The following OPHN1 variants were observed in gnomAD, a reference collection of about 807,000 sequenced individuals.
OPHN1 encodes the protein oligophrenin 1.
A neutral mutation model predicts 60.7 loss-of-function variants in OPHN1; 11 were observed. The ratio of observed to expected loss-of-function variants is 0.18; its 90% CI spans 0.11 to 0.30. OPHN1 has a LOEUF of 0.30. OPHN1 is among the 10% of genes least tolerant of loss of function. The pLI, the probability that OPHN1 is intolerant of heterozygous loss-of-function variation, is 1.00. For missense variants in OPHN1, 449 were observed against 611.0 expected (o/e 0.73, Z 2.80); for synonymous variants, 226 against 222.6 (o/e 1.02, Z -0.14).
intron 15 of OPHN1, among the ~76,000 whole-genome samples, chrX:68,149,595 T>C (rs1216224476): frequency 4.5e-5 from 5 of 111,235 alleles, no homozygotes; most frequent in Non-Finnish European, 9.4e-5. Context: ...CACAAATAGA[T>C]ACTGCTTTAC....
At chrX:68,230,734 G>T (rs1047960452) in intron 6 of OPHN1, among the ~76,000 whole-genome samples, 2 of 86,518 alleles carry the variant, frequency 2.3e-5, no homozygotes, top group Admixed American at 3.0e-4. Flanking sequence ...TGGATACAGG[G>T]TGGGGAACAT....
At chrX:68,159,519 T>A (rs1436440444) in intron 15 of OPHN1, among the ~76,000 whole-genome samples, 1 of 111,858 alleles carries the variant, frequency 8.9e-6, no homozygotes, top group African/African-American at 3.2e-5. Flanking sequence ...AAATGAGAAG[T>A]TTAATCAACA....
At chrX:68,056,736 C>A (rs1221696926) in intron 21 of OPHN1, among the ~76,000 whole-genome samples, 1 of 111,598 alleles carries the variant, frequency 9.0e-6, no homozygotes, top group African/African-American at 3.3e-5. Context: ...CCCCATTTTA[C>A]AGAGAAGGAA....
intron 19 of OPHN1, among the ~76,000 whole-genome samples, chrX:68,075,456 C>A (rs1037424082): frequency 9.0e-6 from 1 of 111,709 alleles, no homozygotes; most frequent in African/African-American, 3.3e-5. Context: ...ACCCAAATAC[C>A]AGTAAGCTTG....
At chrX:68,091,624 C>T (rs1210244918) in intron 19 of OPHN1, among the ~76,000 whole-genome samples, 1 of 111,116 alleles carries the variant, frequency 9.0e-6, no homozygotes, top group African/African-American at 3.3e-5. Context: ...TTCTAAAATT[C>T]AAATGGATCT....
intron 2 of OPHN1, among the ~76,000 whole-genome samples, chrX:68,372,733 T>A (rs1482636212): frequency 9.0e-6 from 1 of 110,681 alleles, no homozygotes; most frequent in Non-Finnish European, 1.9e-5. Flanking sequence ...AATTGCAGTG[T>A]CAGTTTCCAG....
intron 6 of OPHN1, among the ~76,000 whole-genome samples, chrX:68,214,759 G>A (rs1236875085): frequency 1.8e-5 from 2 of 111,905 alleles, no homozygotes; most frequent in Admixed American, 9.5e-5. Flanking sequence ...CACTTTGGGA[G>A]GCCGAGGTGG....
At chrX:68,310,242 G>A (rs1225264733) in intron 2 of OPHN1, among the ~76,000 whole-genome samples, 1 of 111,329 alleles carries the variant, frequency 9.0e-6, no homozygotes, top group Non-Finnish European at 1.9e-5. Context: ...CTTGGAATGA[G>A]GTCCCTTCAT....
In OPHN1 at chrX:68,043,115, G is replaced by A. The variant is rs1318485348; in HGVS notation, c.*4057C>T. Reference sequence around the variant, plus strand: ...AAACCATCATTCTCAGTAAACTATCGCAAGAACAAAAAACCAAACACCGCA... The same window carrying A: ...AAACCATCATTCTCAGTAAACTATCACAAGAACAAAAAACCAAACACCGCA... On this transcript the variant is annotated 3_prime_UTR_variant, in exon 25 of 25. Coordinates refer to ENST00000355520, the MANE Select transcript of OPHN1 (RefSeq NM_002547.3). 3.3e-4 allele frequency: 11 copies of A among 33,491 alleles called. No individual in the cohort carries two copies. Among genetic ancestry groups the A allele is most frequent in the Non-Finnish European group, 5.6e-4 (11 of 19,802 alleles). 2.8% of individuals were successfully genotyped at this position (33,491 alleles called of 1,213,427 possible).
intron 2 of OPHN1, among the ~76,000 whole-genome samples, chrX:68,384,912 G>A (rs1475272282): frequency 9.0e-6 from 1 of 110,616 alleles, no homozygotes; most frequent in Non-Finnish European, 1.9e-5. Context: ...CCGGGGGAAG[G>A]TTGGGAGGAG....
At chrX:68,099,851 T>C (rs12837420) in intron 18 of OPHN1, among the ~76,000 whole-genome samples, 3 of 112,137 alleles carry the variant, frequency 2.7e-5, no homozygotes. Flanking sequence ...ATATTTCTGG[T>C]CTGGACCTTG....
intron 2 of OPHN1, among the ~76,000 whole-genome samples, chrX:68,358,214 G>T (rs2078452509): frequency 9.1e-6 from 1 of 110,251 alleles, no homozygotes; most frequent in East Asian, 2.8e-4. Context: ...ACAACTACTC[G>T]AGAGGCTGAG....
chrX:68,303,065 A>G (rs769889233), intron 2 of OPHN1, among the ~76,000 whole-genome samples: 49 of 112,261 alleles, frequency 4.4e-4, no homozygotes, highest in Non-Finnish European at 6.4e-4. Context: ...GAAAGTGAAT[A>G]GGATGCACAA....
chrX:68,387,386 T>C (rs763129807), intron 2 of OPHN1, among the ~76,000 whole-genome samples: 1 of 111,397 alleles, frequency 9.0e-6, no homozygotes, highest in East Asian at 2.8e-4. Flanking sequence ...CCTAAACTGA[T>C]TGCCCTGCTT....
intron 2 of OPHN1, among the ~76,000 whole-genome samples, chrX:68,417,446 G>A (rs996907413): frequency 8.9e-5 from 10 of 112,074 alleles, no homozygotes; most frequent in Non-Finnish European, 3.8e-5. Flanking sequence ...CTGGAAAGGA[G>A]CAAAAAGCAA....
At chrX:68,382,366 A>G (rs776668764) in intron 2 of OPHN1, among the ~76,000 whole-genome samples, 1 of 110,629 alleles carries the variant, frequency 9.0e-6, no homozygotes, top group South Asian at 3.8e-4. Flanking sequence ...AAAATAAAAT[A>G]AAATAAAATA....
chrX:68,301,808 C>A (rs1428522682), intron 2 of OPHN1, among the ~76,000 whole-genome samples: 3 of 112,270 alleles, frequency 2.7e-5, no homozygotes, highest in African/African-American at 9.7e-5. Flanking sequence ...GTGTCTTCCA[C>A]AATGTCTTTA....
chrX:68,268,091 T>A (rs1225821942), intron 5 of OPHN1, among the ~76,000 whole-genome samples: 2 of 111,486 alleles, frequency 1.8e-5, no homozygotes, highest in Non-Finnish European at 3.8e-5. Context: ...CACAGCCGAA[T>A]TCTACAGAAT....
chrX:68,353,499 G>A (rs1015313033), intron 2 of OPHN1, among the ~76,000 whole-genome samples: 2 of 108,082 alleles, frequency 1.9e-5, no homozygotes, highest in Admixed American at 1.0e-4. Context: ...GCTTGAACCC[G>A]GGAGGAGGAG....
Sources: gnomAD v4.1 joint callset for allele counts (sites outside exome capture counted in the v4.1 genomes callset) on GRCh38, gnomAD v4.1.1 for gene constraint, MANE v1.5 for transcripts, NCBI Gene and HGNC (gene_info 2026-07-23, HGNC 2026-07-21) for gene names.